Variants in NCOR1 observed in about 807,000 individuals in gnomAD.
NCOR1 encodes the protein protein phosphatase 1, regulatory subunit 109.
A neutral mutation model predicts 288.1 loss-of-function variants in NCOR1; 63 were observed. The ratio of observed to expected loss-of-function variants is 0.22; its 90% confidence interval spans 0.18 to 0.27. NCOR1 has a LOEUF of 0.27. Ranked by LOEUF, NCOR1 falls within the 10% of genes least tolerant of loss-of-function variation. The pLI, the probability that NCOR1 is intolerant of heterozygous loss-of-function variation, is 1.00. For missense variants in NCOR1, 2,397 were observed against 3,019.2 expected (o/e 0.79, Z 4.83); for synonymous variants, 1,007 against 1,065.9 (o/e 0.94, Z 1.08).
At chr17:16,053,741 T>A (rs1180711501) in intron 40 of NCOR1, among the ~76,000 whole-genome samples, 1 of 152,014 alleles carries the variant, frequency 6.6e-6, no homozygotes, top group African/African-American at 2.4e-5. Flanking sequence ...GCCAAGGCAA[T>A]ACTAAGCAAA....
chr17:16,135,928 T>G (rs763486770), intron 14 of NCOR1, among the ~76,000 whole-genome samples: 1 of 152,190 alleles, frequency 6.6e-6, no homozygotes, highest in Non-Finnish European at 1.5e-5. Context: ...GATTTAATAA[T>G]GCTAATGAAT....
At chr17:16,166,132 G>A (rs77387251) in intron 4 of NCOR1, among the ~76,000 whole-genome samples, 16 of 152,226 alleles carry the variant, frequency 1.1e-4, no homozygotes, top group African/African-American at 3.6e-4. Context: ...AATAGTATGC[G>A]CTGAATCTAA....
chr17:16,117,815 C>A, intron 18 of NCOR1, 73 bp downstream of exon 18: 1 of 1,466,894 alleles, frequency 6.8e-7, no homozygotes, highest in East Asian at 2.3e-5. Context: ...GAGTGAGACT[C>A]CATCTCAAAC....
intron 20 of NCOR1, among the ~76,000 whole-genome samples, chr17:16,099,955 A>G (rs753082137): frequency 2.0e-5 from 3 of 152,222 alleles, no homozygotes; most frequent in Non-Finnish European, 2.9e-5. Context: ...TATGGAGTAC[A>G]TAAGATATAA....
chr17:16,076,412 GA>G (rs1175978051), intron 26 of NCOR1, among the ~76,000 whole-genome samples: 1 of 152,200 alleles, frequency 6.6e-6, no homozygotes, highest in Non-Finnish European at 1.5e-5. Context: ...CAAGAGCCTT[GA>G]AGATGAGGAG....
At position 16,047,302 on chromosome 17, in the gene NCOR1, ATAAAAT is replaced by A. The variant is rs377148756; in HGVS notation, c.6537-215_6537-210del. On this transcript the variant is annotated intron_variant, in intron 41 of 45. Coordinates refer to ENST00000268712, the MANE Select transcript of NCOR1 (RefSeq NM_006311.4). ...ATGATTTAGCTCTCAAAATGAAATC[ATAAAAT>A]TAGAATTAGAATGGAGATAATCTAG... is the stretch of plus-strand genomic sequence containing the variant. Among the ~76,000 whole-genome samples, 1,067 of 152,340 alleles carry A rather than the reference ATAAAAT, an allele frequency of 7.0e-3. 12 individuals carry two copies. The highest frequency in any genetic ancestry group is 0.024 in the African/African-American group (993 of 41,582).
At chr17:16,133,978 C>T (rs2076030748) in intron 14 of NCOR1, among the ~76,000 whole-genome samples, 1 of 152,218 alleles carries the variant, frequency 6.6e-6, no homozygotes, top group Non-Finnish European at 1.5e-5. Flanking sequence ...ATTATTAAAA[C>T]AACCTCCTAA....
intron 22 of NCOR1, among the ~76,000 whole-genome samples, chr17:16,088,565 C>A (rs995837089): frequency 6.6e-6 from 1 of 152,090 alleles, no homozygotes; most frequent in African/African-American, 2.4e-5. Flanking sequence ...CCTTCAAATA[C>A]CTAAACCTCT....
chr17:16,148,403 T>A (rs1488654834), intron 9 of NCOR1, among the ~76,000 whole-genome samples: 2 of 152,188 alleles, frequency 1.3e-5, no homozygotes, highest in African/African-American at 2.4e-5. Flanking sequence ...ATACTAGGAC[T>A]GACCTGTCTG....
chr17:16,043,244 G>A (rs2058068283), intron 42 of NCOR1, among the ~76,000 whole-genome samples: 1 of 152,200 alleles, frequency 6.6e-6, no homozygotes, highest in Non-Finnish European at 1.5e-5. Context: ...TGGGAACACT[G>A]GATTCAGATA....
intron 32 of NCOR1, among the ~76,000 whole-genome samples, chr17:16,067,402 C>T (rs1334504310): frequency 6.6e-6 from 1 of 152,190 alleles, no homozygotes; most frequent in Admixed American, 6.5e-5. Flanking sequence ...GAAAAAAAAT[C>T]TAGAAGGATT....
At chr17:16,060,587 C>T (rs2069131) in intron 37 of NCOR1, among the ~76,000 whole-genome samples, 3 of 152,212 alleles carry the variant, frequency 2.0e-5, no homozygotes, top group African/African-American at 4.8e-5. Context: ...GTAGATATGA[C>T]GTAAACAAAT....
At chr17:16,162,038 A>T (rs1281007263) in intron 5 of NCOR1, among the ~76,000 whole-genome samples, 3 of 152,144 alleles carry the variant, frequency 2.0e-5, no homozygotes, top group African/African-American at 7.2e-5. Flanking sequence ...GTAAAGACTT[A>T]ATTAGAATTG....
intron 14 of NCOR1, among the ~76,000 whole-genome samples, chr17:16,136,297 C>G (rs1027450391): frequency 1.3e-5 from 2 of 152,168 alleles, no homozygotes; most frequent in Non-Finnish European, 2.9e-5. Flanking sequence ...GCCATCCTCC[C>G]ACCTCAGCCT....
Position 16,086,353 on chromosome 17 carries a change from GA to G in NCOR1, c.3105del (p.Leu1036SerfsTer17). 1 of 1,614,186 alleles carries G rather than the reference GA, an allele frequency of 6.2e-7. No homozygotes were observed. ...PTTRPTRPPP[P>X]LIPSSKTTVA... ...ACTGTGGTTTTGGATGACGGGATGAGAGGGGGCGGTGGCCTGGTTGGTCGAG... is the reference window on the plus strand; with the variant it reads ...ACTGTGGTTTTGGATGACGGGATGAGGGGGGCGGTGGCCTGGTTGGTCGAG... On this transcript the variant is annotated frameshift_variant, in exon 23 of 46. Transcript: ENST00000268712. LOFTEE classifies it high-confidence loss of function.
chr17:16,190,495 C>A (rs1165513283), intron 2 of NCOR1, among the ~76,000 whole-genome samples: 1 of 151,546 alleles, frequency 6.6e-6, no homozygotes, highest in Non-Finnish European at 1.5e-5. Flanking sequence ...ACACCACACC[C>A]AGCTATTTTT....
At chr17:16,075,738 A>G (rs761549038) in intron 26 of NCOR1, 36 bp from the exon 27 acceptor site, 1 of 1,609,834 alleles carries the variant, frequency 6.2e-7, no homozygotes, top group South Asian at 1.1e-5. Flanking sequence ...CAGAGGAGTC[A>G]CTCGAGTTTA....
intron 8 of NCOR1, 116 bp from the exon 9 acceptor site, chr17:16,149,633 G>A (rs1048249089): frequency 1.9e-5 from 8 of 431,228 alleles, no homozygotes; most frequent in African/African-American, 1.2e-4. Flanking sequence ...AATTTATGAT[G>A]TAAACAAAGT....
chr17:16,115,940 G>A (rs893103337), intron 18 of NCOR1, among the ~76,000 whole-genome samples: 1 of 152,108 alleles, frequency 6.6e-6, no homozygotes, highest in Non-Finnish European at 1.5e-5. Flanking sequence ...CCGTTTTCAC[G>A]CTGCTTATAA....
Sources: allele counts gnomAD v4.1 joint callset (sites outside exome capture counted in the v4.1 genomes callset), GRCh38; gene constraint gnomAD v4.1.1; transcripts MANE v1.5; gene names NCBI Gene and HGNC (gene_info 2026-07-23, HGNC 2026-07-21).